NEB: variants seen among roughly 807,000 people sequenced by gnomAD.
The protein encoded by NEB is nebulin, also known as nemaline myopathy type 2.
NEB carries 512 observed loss-of-function variants against 952.2 expected under a neutral mutation model. That is an observed-to-expected ratio of 0.54 (90% CI 0.50 to 0.58). NEB has a LOEUF of 0.58. Among genes scored for constraint, NEB ranks in the 20% least tolerant of loss-of-function variants. NEB has a pLI of 0.00. For synonymous variants in NEB, 2,900 were observed against 3,149.8 expected, an observed-to-expected ratio of 0.92 and a Z score of 2.66; for missense variants, 8,428 against 9,231.1, an observed-to-expected ratio of 0.91 and a Z score of 3.56.
chr2:151,642,931 T>C lies in NEB; in HGVS notation c.8161-62A>G, dbSNP rs552720477. 1,600 of 1,357,540 alleles carry C rather than the reference T, an allele frequency of 1.2e-3. 2 individuals carry two copies. The highest frequency in any genetic ancestry group is 2.7e-3 in the Middle Eastern group (11 of 4,012). 84.1% of individuals were successfully genotyped at this position (1,357,540 alleles called of 1,614,324 possible). ...GTAATAAATAGACACATGCAGACAGTCTGATTTTTAATGAGAATCAAGAAT... is the reference window on the plus strand; with the variant it reads ...GTAATAAATAGACACATGCAGACAGCCTGATTTTTAATGAGAATCAAGAAT... On this transcript the variant is annotated intron_variant, in intron 58 of 181. Transcript: ENST00000397345.
intron 67 of NEB, 27 bp downstream of exon 67, chr2:151,630,688 T>C (rs1211316365): frequency 1.3e-6 from 2 of 1,538,882 alleles, no homozygotes; most frequent in Non-Finnish European, 1.8e-6. Context: ...ACCACCACAA[T>C]ATAGCACCAC....
chr2:151,489,388 T>C (rs536014958), intron 181 of NEB, among the ~76,000 whole-genome samples: 11 of 152,310 alleles, frequency 7.2e-5, no homozygotes, highest in South Asian at 2.1e-4. Flanking sequence ...TGTGGGCACA[T>C]TGCATACATC....
chr2:151,513,590 A>G lies in NEB; in HGVS notation c.23231T>C (p.Ile7744Thr). 1.9e-6 allele frequency: 3 copies of G among 1,605,728 alleles called. No homozygotes were observed. Among genetic ancestry groups the G allele is most frequent in the Non-Finnish European group, 2.6e-6 (3 of 1,175,592 alleles). ...DFMRARNATD[I>T]ASQIKYKQSA... ...AATAGTAGCACTGACCTGACTGGCA[A>G]TATCAGTAGCATTCCTGGCCCTCAT... Residue 7744 changes from isoleucine to threonine, a missense_variant, in exon 160 of 182, where the codon ATT (isoleucine) becomes ACT (threonine). Physicochemically the swap from Ile to Thr is moderately conservative, Grantham distance 89. Transcript: ENST00000397345.
intron 40 of NEB, among the ~76,000 whole-genome samples, chr2:151,667,274 T>A (rs1301146229): frequency 1.3e-5 from 2 of 152,040 alleles, no homozygotes; most frequent in African/African-American, 4.8e-5. Flanking sequence ...ATATCATGAC[T>A]TTTTTCATGA....
At position 151,687,716 on chromosome 2, in the gene NEB, G is replaced by C. The variant is rs2099513885; in HGVS notation, c.2433C>G (p.Asp811Glu). 6.3e-7 allele frequency: 1 copy of C among 1,588,920 alleles called. No homozygotes were observed. The highest frequency in any genetic ancestry group is 8.6e-7 in the Non-Finnish European group (1 of 1,166,534). The change falls in exon 26 of 182, where the codon GAC becomes GAG. Residue 811 changes from aspartate to glutamate, a missense_variant. Transcript: ENST00000397345. ...ACTTCTTGGCTTTGCTCTTCTCCCA[G>C]TCTTGCTTATAAACATTCTGGACAA... ...YNLSDNVYKQ[D>E]WEKSKAKKFD...
At chr2:151,725,414 T>C in intron 6 of NEB, 39 bp downstream of exon 6, 1 of 1,531,450 alleles carries the variant, frequency 6.5e-7, no homozygotes, top group Non-Finnish European at 9.0e-7. Context: ...AGGTGTATTT[T>C]GAAATGTCCC....
chr2:151,683,329 A>G, intron 28 of NEB, among the ~76,000 whole-genome samples: 1 of 152,318 alleles, frequency 6.6e-6, no homozygotes, highest in Admixed American at 6.5e-5. Context: ...TTTGCATAAG[A>G]GGGCGGTTAT....
chr2:151,638,609 T>A (rs1425075173), intron 63 of NEB, among the ~76,000 whole-genome samples: 1 of 152,180 alleles, frequency 6.6e-6, no homozygotes, highest in Non-Finnish European at 1.5e-5. Flanking sequence ...TGAGATCAGC[T>A]CCTTGTCACT....
chr2:151,656,570 A>T, intron 48 of NEB, 106 bp from the exon 49 acceptor site: 9 of 590,990 alleles, frequency 1.5e-5, no homozygotes, highest in South Asian at 8.8e-5. Flanking sequence ...ATATAATTAA[A>T]AATTATATTT....
chr2:151,534,086 T>G (rs1456409312), intron 142 of NEB: 7 of 694,654 alleles, frequency 1.0e-5, no homozygotes, highest in Non-Finnish European at 1.7e-5. Flanking sequence ...GCTAGACAGA[T>G]ACTTTGAAAC....
At chr2:151,628,364 A>C (rs1488790649) in intron 68 of NEB, among the ~76,000 whole-genome samples, 2 of 152,166 alleles carry the variant, frequency 1.3e-5, no homozygotes, top group African/African-American at 4.8e-5. Context: ...ATATTCCCAT[A>C]CTACAAGCCC....
Position 151,570,213 on chromosome 2 carries a change from G to T in NEB, c.17298C>A (p.Ser5766=). ...CCTGGGAATTTTTAGAGTGCAGGAT[G>T]GAAAGCATGTCCACAGGGCTCTGGA... ...AKIQSPVDML[S]ILHSKNSQAL... Residue 5766 remains serine (S), a synonymous_variant, in exon 109 of 182, where the codon TCC becomes TCA. Coordinates refer to ENST00000397345, the MANE Select transcript of NEB (RefSeq NM_001164508.2). 7 of 1,613,774 alleles carry T rather than the reference G, an allele frequency of 4.3e-6. No homozygotes were observed. Among genetic ancestry groups the T allele is most frequent in the Non-Finnish European group, 5.9e-6 (7 of 1,179,820 alleles).
At chr2:151,643,420 A>G in intron 57 of NEB, 67 bp from the exon 58 acceptor site, 1 of 1,365,800 alleles carries the variant, frequency 7.3e-7, no homozygotes, top group Non-Finnish European at 1.0e-6. Context: ...AATTTGTCAT[A>G]ATTAAATCAT....
At chr2:151,615,953 T>C (rs2154001331) in intron 76 of NEB, 49 bp downstream of exon 76, 2 of 1,381,070 alleles carry the variant, frequency 1.4e-6, no homozygotes, top group South Asian at 1.3e-5. Context: ...AAGCTTCTAT[T>C]TGTCAACATC....
chr2:151,516,716 A>AT (rs1406675798), intron 156 of NEB, among the ~76,000 whole-genome samples, 153 bp from the exon 157 acceptor site: 1 of 152,160 alleles, frequency 6.6e-6, no homozygotes, highest in Non-Finnish European at 1.5e-5. Flanking sequence ...GATCCAGTAC[A>AT]TTTTTGTTGT....
At chr2:151,715,709 AAAC>A (rs763929775) in intron 10 of NEB, among the ~76,000 whole-genome samples, 7 of 152,246 alleles carry the variant, frequency 4.6e-5, no homozygotes, top group Non-Finnish European at 1.0e-4. Flanking sequence ...GTGAGAAAAT[AAAC>A]GTCTATTGTT....
chr2:151,694,063 G>A (rs1175354806), intron 20 of NEB, among the ~76,000 whole-genome samples: 1 of 152,146 alleles, frequency 6.6e-6, no homozygotes, highest in Non-Finnish European at 1.5e-5. Flanking sequence ...TAAAAACAAT[G>A]ATATTGGCAG....
chr2:151,572,360 C>A (rs919219796), intron 107 of NEB, among the ~76,000 whole-genome samples: 1 of 151,546 alleles, frequency 6.6e-6, no homozygotes, highest in Non-Finnish European at 1.5e-5. Flanking sequence ...AATTAAACTA[C>A]AAAATAGTTA....
At position 151,666,267 on chromosome 2, in the gene NEB, A is replaced by G. The variant is rs2154179019; in HGVS notation, c.4854T>C (p.Tyr1618=). The change falls in exon 41 of 182, where the codon TAT becomes TAC. Residue 1618 remains tyrosine, a synonymous_variant. Coordinates refer to ENST00000397345, the MANE Select transcript of NEB (RefSeq NM_001164508.2). The part of the protein sequence containing the change: ...IQSDREYKKG[Y]EASKTKYHTP... ...TGTGGTACTTGGTCTTGCTGGCTTCATAGCCCTTTTTGTACTCACGATCAG... is the reference window on the plus strand; with the variant it reads ...TGTGGTACTTGGTCTTGCTGGCTTCGTAGCCCTTTTTGTACTCACGATCAG... 6.2e-7 allele frequency: 1 copy of G among 1,613,948 alleles called. No homozygotes were observed. The highest frequency in any genetic ancestry group is 8.5e-7 in the Non-Finnish European group (1 of 1,179,862).
Sources: allele counts gnomAD v4.1 joint callset (sites outside exome capture counted in the v4.1 genomes callset), GRCh38; gene constraint gnomAD v4.1.1; transcripts MANE v1.5; gene names NCBI Gene and HGNC (gene_info 2026-07-23, HGNC 2026-07-21).